The following TNFRSF13B variants were observed in gnomAD, a reference collection of about 807,000 sequenced individuals.
TNFRSF13B encodes the protein tumor necrosis factor receptor superfamily member 13B.
In TNFRSF13B, 34 loss-of-function variants were observed where a neutral mutation model predicts 24.0. The observed-to-expected ratio is 1.41, with a 90% CI of 1.08 to 1.88. The LOEUF is 1.88. TNFRSF13B is among the 40% of genes most tolerant of loss of function. The pLI is 0.00. For synonymous variants in TNFRSF13B, 173 were observed against 150.3 expected (o/e 1.15, Z -1.10); for missense variants, 415 against 380.8 (o/e 1.09, Z -0.75).
At chr17:16,967,127 C>T (rs757804692) in intron 1 of TNFRSF13B, among the ~76,000 whole-genome samples, 5 of 152,070 alleles carry the variant, frequency 3.3e-5, no homozygotes, top group Non-Finnish European at 7.4e-5. Context: ...GTGTGAGCCA[C>T]CACGCCTGGC....
Position 16,950,870 on chromosome 17 carries a change from C to T in TNFRSF13B, c.199+1576G>A, listed in dbSNP as rs890808284. Reference sequence around the variant, plus strand: ...CAGGTGCCCATCTGATTTCCGCATTCTGTGACCTCTTAACAATCTGCCTCT... The same window carrying T: ...CAGGTGCCCATCTGATTTCCGCATTTTGTGACCTCTTAACAATCTGCCTCT... On this transcript the variant is annotated intron_variant, in intron 2 of 4. Transcript: ENST00000261652. Among the ~76,000 whole-genome samples, 7 of 152,190 alleles carry T rather than the reference C, an allele frequency of 4.6e-5. No homozygotes were observed. The East Asian group carries it at 1.3e-3, about 29-fold the overall frequency.
At chr17:16,961,727 A>T (rs1369636479) in intron 1 of TNFRSF13B, among the ~76,000 whole-genome samples, 1 of 152,246 alleles carries the variant, frequency 6.6e-6, no homozygotes, top group African/African-American at 2.4e-5. Context: ...TTCATTATAT[A>T]TATTTTACCA....
intron 3 of TNFRSF13B, 105 bp from the exon 4 acceptor site, chr17:16,940,616 C>A: frequency 6.5e-7 from 1 of 1,532,288 alleles, no homozygotes; most frequent in East Asian, 2.5e-5. Context: ...GCCTGTCTGG[C>A]TCCTGGAGAG....
intron 3 of TNFRSF13B, among the ~76,000 whole-genome samples, chr17:16,946,105 A>C (rs796265327): frequency 2.6e-5 from 4 of 152,342 alleles, no homozygotes; most frequent in African/African-American, 9.6e-5. Context: ...GCATTTGGGG[A>C]TGGCTTGTTA....
At chr17:16,962,334 C>G (rs960341094) in intron 1 of TNFRSF13B, among the ~76,000 whole-genome samples, 2 of 152,108 alleles carry the variant, frequency 1.3e-5, no homozygotes, top group Non-Finnish European at 2.9e-5. Context: ...TGGTGAAACC[C>G]TGTCTTCACT....
chr17:16,966,832 CTTTTTTCTT>C (rs1289774900), intron 1 of TNFRSF13B, among the ~76,000 whole-genome samples: 11 of 95,856 alleles, frequency 1.1e-4, no homozygotes, highest in East Asian at 9.5e-4. Flanking sequence ...TTTTCTTTTT[CTTTTTTCTT>C]TTTTTTTTTT....
Position 16,952,343 on chromosome 17 carries a change from G to T in TNFRSF13B, c.199+103C>A, listed in dbSNP as rs560948305. 10 of 1,552,604 alleles carry T rather than the reference G, an allele frequency of 6.4e-6. No individual in the cohort carries two copies. In the South Asian group the frequency reaches 9.2e-5, roughly 14 times the overall value. On this transcript the variant is annotated intron_variant, in intron 2 of 4. Transcript: ENST00000261652. The stretch of plus-strand genomic sequence containing the variant: ...GGTGCCACACTGTACATCTCCTCCT[G>T]CCACCCTTTCCTCAGCCACCTGACT...
intron 3 of TNFRSF13B, 112 bp downstream of exon 3, chr17:16,948,626 T>G: frequency 2.7e-6 from 4 of 1,496,664 alleles, no homozygotes; most frequent in East Asian, 2.3e-5. Context: ...GGCCATTTGC[T>G]TGGACTCTGG....
intron 1 of TNFRSF13B, among the ~76,000 whole-genome samples, chr17:16,962,796 C>T (rs1162428825): frequency 6.6e-6 from 1 of 152,084 alleles, no homozygotes; most frequent in Non-Finnish European, 1.5e-5. Flanking sequence ...TGGAGCAGAG[C>T]CGGCAGCCAG....
intron 1 of TNFRSF13B, among the ~76,000 whole-genome samples, chr17:16,969,369 C>A (rs2087727748): frequency 1.3e-5 from 2 of 152,140 alleles, no homozygotes; most frequent in Admixed American, 1.3e-4. Flanking sequence ...TGTTACTTGG[C>A]CACAAAACTG....
At position 16,939,460 on chromosome 17, in the gene TNFRSF13B, C is replaced by T. The variant is rs922603626; in HGVS notation, c.*87G>A. On this transcript the variant is annotated 3_prime_UTR_variant, in exon 5 of 5. Transcript: ENST00000261652. ...TCTGCCTCCTCTGTCTCTCTCTCCT[C>T]ATATCTCTCTCCCCTCTCCCCACCT... is the stretch of plus-strand genomic sequence containing the variant. The T allele has an allele frequency of 4.5e-6, 6 of 1,344,400 alleles. No individual in the cohort carries two copies. The highest frequency in any genetic ancestry group is 4.9e-6 in the Non-Finnish European group (5 of 1,011,502). The allele number at this position is 1,344,400 out of a possible 1,614,324, so 83.3% of individuals were successfully genotyped here.
rs769182186 is a variant in TNFRSF13B at position 16,952,506 on chromosome 17, A to G, written c.139T>C (p.Cys47Arg). 1.2e-6 allele frequency: 2 copies of G among 1,614,178 alleles called. No homozygotes were observed. The highest frequency in any genetic ancestry group is 1.7e-6 in the Non-Finnish European group (2 of 1,180,012). ...TTGCAAATGGTTTTGCAGGACATGC[A>G]GGTACCCAGCAGAGGATCCCAGTAC... ...EQYWDPLLGT[C>R]MSCKTICNHQ... The change falls in exon 2 of 5, where the codon TGC becomes CGC. Residue 47 changes from cysteine (C) to arginine (R), a missense_variant. Coordinates refer to ENST00000261652, the MANE Select transcript of TNFRSF13B (RefSeq NM_012452.3).
rs1491175327 is a variant in TNFRSF13B at position 16,939,371 on chromosome 17, TCC to T, written c.*174_*175del. 3.8e-5 allele frequency: 27 copies of T among 717,790 alleles called. No individual in the cohort carries two copies. In the Admixed American group the frequency reaches 3.8e-4, roughly 10 times the overall value. 44.5% of individuals were successfully genotyped at this position (717,790 alleles called of 1,614,324 possible). On this transcript the variant is annotated 3_prime_UTR_variant, in exon 5 of 5. Coordinates refer to ENST00000261652, the MANE Select transcript of TNFRSF13B (RefSeq NM_012452.3). ...TGCCTCTTTCCCTCTCTGCCTCTCTTCCCCTCTGTCTCTCTCTCCCTCTGTCT... is the reference window on the plus strand; with the variant it reads ...TGCCTCTTTCCCTCTCTGCCTCTCTTCCTCTGTCTCTCTCTCCCTCTGTCT...
At chr17:16,949,907 A>G (rs1052504180) in intron 2 of TNFRSF13B, among the ~76,000 whole-genome samples, 2 of 152,020 alleles carry the variant, frequency 1.3e-5, no homozygotes, top group African/African-American at 4.8e-5. Flanking sequence ...GCTGGTCGTG[A>G]ACTCCTGACC....
chr17:16,971,748 G>T (rs1038849610), intron 1 of TNFRSF13B, among the ~76,000 whole-genome samples: 6 of 152,146 alleles, frequency 3.9e-5, no homozygotes, highest in Non-Finnish European at 7.3e-5. Flanking sequence ...GGGCTGTGCA[G>T]GGGCCATGGT....
chr17:16,942,412 G>A (rs956434051), intron 3 of TNFRSF13B, among the ~76,000 whole-genome samples: 1 of 152,144 alleles, frequency 6.6e-6, no homozygotes, highest in African/African-American at 2.4e-5. Flanking sequence ...GACTCTTAGG[G>A]GTCATCAGTG....
intron 3 of TNFRSF13B, among the ~76,000 whole-genome samples, chr17:16,942,958 C>T (rs1033501972): frequency 4.6e-5 from 7 of 152,194 alleles, no homozygotes; most frequent in African/African-American, 9.7e-5. Context: ...CTGACAGCCT[C>T]GGTGTTTGCT....
rs971037653 is a variant in TNFRSF13B at position 16,939,308 on chromosome 17, T to C, written c.*239A>G. 2 of 511,082 alleles carry C rather than the reference T, an allele frequency of 3.9e-6. No individual in the cohort carries two copies. Among genetic ancestry groups the C allele is most frequent in the Non-Finnish European group, 6.8e-6 (2 of 293,536 alleles). The allele number at this position is 511,082 out of a possible 1,614,324, so 31.7% of individuals were successfully genotyped here. ...CTCTCCCTCTCTGCCTCTCTCCCTC[T>C]CTGCCTCTCTCCTTCTCTGCCTGTC... On this transcript the variant is annotated 3_prime_UTR_variant, in exon 5 of 5. Coordinates refer to ENST00000261652, the MANE Select transcript of TNFRSF13B (RefSeq NM_012452.3).
chr17:16,950,585 G>T (rs764730594), intron 2 of TNFRSF13B, among the ~76,000 whole-genome samples: 1 of 152,124 alleles, frequency 6.6e-6, no homozygotes, highest in African/African-American at 2.4e-5. Context: ...CCCCTGAACC[G>T]CACAGAAACT....
Sources: allele counts gnomAD v4.1 joint callset (sites outside exome capture counted in the v4.1 genomes callset), GRCh38; gene constraint gnomAD v4.1.1; transcripts MANE v1.5; gene names NCBI Gene and HGNC (gene_info 2026-07-23, HGNC 2026-07-21).